Variants in PCDHA1 observed in about 807,000 individuals in gnomAD.
The protein encoded by PCDHA1 is protocadherin alpha-1.
In PCDHA1, 42 loss-of-function variants were observed where a neutral mutation model predicts 61.3. The observed-to-expected ratio is 0.69, with a 90% CI of 0.54 to 0.89. PCDHA1 has a LOEUF of 0.89. Ranked by LOEUF, PCDHA1 falls within the 40% of genes least tolerant of loss-of-function variation. PCDHA1 has a pLI of 0.00. For missense variants in PCDHA1, 1,256 were observed against 1,235.3 expected (o/e 1.02, Z -0.25); for synonymous variants, 610 against 553.8 (o/e 1.10, Z -1.43).
At chr5:140,865,628 G>A (rs2048940891) in intron 1 of PCDHA1, 1 of 152,162 alleles carries the variant, frequency 6.6e-6, no homozygotes, top group African/African-American at 2.4e-5. Flanking sequence ...TAGACATCAT[G>A]AAGGGACTTA....
chr5:140,898,593 C>A (rs1236439193), intron 1 of PCDHA1, among the ~76,000 whole-genome samples: 13 of 152,146 alleles, frequency 8.5e-5, no homozygotes, highest in Admixed American at 1.3e-4. Flanking sequence ...GTTACTGTAG[C>A]CTTGTAGTAT....
intron 1 of PCDHA1, among the ~76,000 whole-genome samples, chr5:140,917,535 T>C (rs2078248743): frequency 3.3e-5 from 5 of 152,278 alleles, no homozygotes; most frequent in South Asian, 4.1e-4. Flanking sequence ...TTGTATAGTT[T>C]TAGGTTTTAC....
chr5:140,952,338 CAAA>C (rs55931446), intron 1 of PCDHA1, among the ~76,000 whole-genome samples: 80,539 of 134,836 alleles, frequency 0.6, 22,945 homozygotes, highest in African/African-American at 0.71. Context: ...AACTCCATCT[CAAA>C]AAAAAAAAAA....
chr5:140,991,172 G>T (rs2097436221), intron 3 of PCDHA1, among the ~76,000 whole-genome samples: 1 of 152,160 alleles, frequency 6.6e-6, no homozygotes, highest in Non-Finnish European at 1.5e-5. Flanking sequence ...CCATTGTCAA[G>T]CAGGATGCCT....
At chr5:140,809,891 A>C (rs1554125376) in intron 1 of PCDHA1, 1 of 211,874 alleles carries the variant, frequency 4.7e-6, no homozygotes, top group Non-Finnish European at 9.4e-6. Flanking sequence ...ATTACATATA[A>C]ACAAATGTGC....
At chr5:140,869,267 A>G in intron 1 of PCDHA1, 1 of 1,613,490 alleles carries the variant, frequency 6.2e-7, no homozygotes, top group South Asian at 1.1e-5. Flanking sequence ...CTGGGGCTGG[A>G]GCTGGCGGAG....
chr5:140,821,986 G>C (rs2150112633), intron 1 of PCDHA1: 11 of 1,614,150 alleles, frequency 6.8e-6, no homozygotes, highest in South Asian at 3.3e-5. Context: ...CAAGGGCCGC[G>C]GGGACCTTCT....
chr5:140,863,444 G>A, intron 1 of PCDHA1: 4 of 585,532 alleles, frequency 6.8e-6, no homozygotes, highest in South Asian at 2.8e-5. Context: ...GGTCTTACTC[G>A]CAGCAAAGGA....
intron 1 of PCDHA1, among the ~76,000 whole-genome samples, chr5:140,954,973 G>T (rs781943510): frequency 7.9e-5 from 12 of 152,124 alleles, no homozygotes; most frequent in Non-Finnish European, 1.3e-4. Context: ...AAAGGGTCCA[G>T]TTTCAATTTT....
chr5:140,805,793 T>C (rs1763632197), intron 1 of PCDHA1: 1 of 175,588 alleles, frequency 5.7e-6, no homozygotes, highest in African/African-American at 2.4e-5. Context: ...TTTTTGTATC[T>C]TTAGAAAATC....
chr5:140,852,580 TTA>T, intron 1 of PCDHA1: 5 of 841,004 alleles, frequency 5.9e-6, no homozygotes, highest in South Asian at 5.3e-5. Context: ...CAAGGCTTTT[TTA>T]TTTTTTTTTT....
At position 140,802,453 on chromosome 5, in the gene PCDHA1, C is replaced by T. The variant is rs573377233; in HGVS notation, c.2394+13769C>T. On this transcript the variant is annotated intron_variant, in intron 1 of 3. Coordinates refer to ENST00000504120, the MANE Select transcript of PCDHA1 (RefSeq NM_018900.4). ...AGCCCTCTGGACCGCGAGAGCGTGT[C>T]GGCCTATGAGCTGGTGGTGACTGCT... The T allele has an allele frequency of 7.4e-6, 12 of 1,614,196 alleles. No individual in the cohort carries two copies. The Admixed American group carries it at 1.7e-4, about 22-fold the overall frequency.
In PCDHA1 at chr5:140,823,672, A is replaced by G. The variant is rs946828045; in HGVS notation, c.2394+34988A>G. 6 of 1,614,048 alleles carry G rather than the reference A, an allele frequency of 3.7e-6. No individual in the cohort carries two copies. Among genetic ancestry groups the G allele is most frequent in the Non-Finnish European group, 5.1e-6 (6 of 1,179,960 alleles). On this transcript the variant is annotated intron_variant, in intron 1 of 3. Coordinates refer to ENST00000504120, the MANE Select transcript of PCDHA1 (RefSeq NM_018900.4). Reference sequence around the variant, plus strand: ...GCTGTACACAGGCGAGATCAGCACAACACGCTCTCTGGATGAGACCGAAGC... The same window carrying G: ...GCTGTACACAGGCGAGATCAGCACAGCACGCTCTCTGGATGAGACCGAAGC...
intron 1 of PCDHA1, among the ~76,000 whole-genome samples, chr5:140,826,827 T>C (rs2150145425): frequency 1.3e-5 from 2 of 152,168 alleles, no homozygotes; most frequent in Non-Finnish European, 2.9e-5. Flanking sequence ...ATTAGGTTAC[T>C]AGAAGTTTCT....
intron 1 of PCDHA1, chr5:140,823,507 G>A: frequency 6.2e-6 from 10 of 1,613,354 alleles, no homozygotes; most frequent in East Asian, 2.2e-5. Flanking sequence ...CGCAGTGAGC[G>A]AGCTGGTGCC....
At position 140,786,247 on chromosome 5, in the gene PCDHA1, T is replaced by C. The variant is rs377633448; in HGVS notation, c.-44T>C. 1 of 1,525,704 alleles carries C rather than the reference T, an allele frequency of 6.6e-7. No individual in the cohort carries two copies. Among genetic ancestry groups the C allele is most frequent in the African/African-American group, 1.4e-5 (1 of 71,804 alleles). 94.5% of individuals were successfully genotyped at this position (1,525,704 alleles called of 1,614,324 possible). ...GAAATATTAGATAAAATGGCATGAT[T>C]TTGAAGTAAGAGGAGAGCATAAGAA... is the stretch of plus-strand genomic sequence containing the variant. On this transcript the variant is annotated 5_prime_UTR_variant, in exon 1 of 4. Transcript: ENST00000504120.
At chr5:140,815,167 A>T (rs1407825573) in intron 1 of PCDHA1, 1 of 151,854 alleles carries the variant, frequency 6.6e-6, no homozygotes, top group Non-Finnish European at 1.5e-5. Context: ...TGATTGGGGG[A>T]GTTTATCCCA....
intron 3 of PCDHA1, among the ~76,000 whole-genome samples, chr5:141,000,395 C>CTATA (rs1190667031): frequency 1.7e-4 from 9 of 53,980 alleles, no homozygotes; most frequent in Admixed American, 6.3e-4. Flanking sequence ...CTCTCTCTCT[C>CTATA]TATATATATA....
At chr5:140,968,229 TC>T in intron 1 of PCDHA1, 2 of 1,613,970 alleles carry the variant, frequency 1.2e-6, no homozygotes, top group Non-Finnish European at 1.7e-6. Flanking sequence ...GGTGTGTTGC[TC>T]TGTACTGTGC....
Sources: gnomAD v4.1 joint callset for allele counts (sites outside exome capture counted in the v4.1 genomes callset) on GRCh38, gnomAD v4.1.1 for gene constraint, MANE v1.5 for transcripts, NCBI Gene and HGNC (gene_info 2026-07-23, HGNC 2026-07-21) for gene names.